SLC14A2: variants seen among roughly 807,000 people sequenced by gnomAD.
SLC14A2 encodes solute carrier family 14 member 2, also known as urea transporter 2.
SLC14A2 carries 91 observed loss-of-function variants against 104.6 expected under a neutral mutation model. The ratio of observed to expected loss-of-function variants is 0.87; its 90% CI spans 0.73 to 1.04. The LOEUF (loss-of-function observed/expected upper bound fraction) is 1.04. Among genes scored for constraint, SLC14A2 ranks in the 50% least tolerant of loss-of-function variants. The pLI, the probability that SLC14A2 is intolerant of heterozygous loss-of-function variation, is 0.00. For synonymous variants in SLC14A2, 476 were observed against 466.4 expected, an observed-to-expected ratio of 1.02 and a Z score of -0.27; for missense variants, 1,189 against 1,156.0, an observed-to-expected ratio of 1.03 and a Z score of -0.41.
chr18:45,572,969 G>A (rs1432767043), intron 2 of SLC14A2, among the ~76,000 whole-genome samples: 5 of 152,116 alleles, frequency 3.3e-5, no homozygotes, highest in Non-Finnish European at 7.4e-5. Context: ...CACCATGTTG[G>A]CAGTTAAAAA....
At chr18:45,657,684 C>T (rs1367230301) in intron 10 of SLC14A2, among the ~76,000 whole-genome samples, 1 of 152,168 alleles carries the variant, frequency 6.6e-6, no homozygotes. Flanking sequence ...CTTATCTACA[C>T]TCAGCTCTGC....
At chr18:45,671,192 C>T (rs1423336174) in intron 16 of SLC14A2, among the ~76,000 whole-genome samples, 1 of 152,056 alleles carries the variant, frequency 6.6e-6, no homozygotes, top group Non-Finnish European at 1.5e-5. Flanking sequence ...GTCACAGTTT[C>T]AGTTGAGAAG....
At chr18:45,294,218 AAT>A (rs150478048) in intron 1 of SLC14A2, among the ~76,000 whole-genome samples, 4 of 151,720 alleles carry the variant, frequency 2.6e-5, no homozygotes, top group Non-Finnish European at 4.4e-5. Context: ...CTTGTGTGGG[AAT>A]ATATATATAT....
At chr18:45,549,212 C>G (rs1425166623) in intron 2 of SLC14A2, among the ~76,000 whole-genome samples, 2 of 152,224 alleles carry the variant, frequency 1.3e-5, no homozygotes, top group East Asian at 3.8e-4. Context: ...AGGAATTTGG[C>G]TTTTGGTCCA....
chr18:45,599,863 A>C (rs1193104126), intron 2 of SLC14A2, among the ~76,000 whole-genome samples: 2 of 152,182 alleles, frequency 1.3e-5, no homozygotes, highest in East Asian at 3.9e-4. Flanking sequence ...GAGAGAGCTC[A>C]TGCAGGGAAA....
chr18:45,237,943 C>T (rs1254635576), intron 1 of SLC14A2, among the ~76,000 whole-genome samples: 6 of 152,162 alleles, frequency 3.9e-5, no homozygotes, highest in Non-Finnish European at 8.8e-5. Context: ...GCTCTGTTGG[C>T]CTCTTGATGA....
At chr18:45,274,798 C>T (rs1178513294) in intron 1 of SLC14A2, among the ~76,000 whole-genome samples, 4 of 152,186 alleles carry the variant, frequency 2.6e-5, no homozygotes, top group Non-Finnish European at 4.4e-5. Context: ...TTCATTTGTC[C>T]TCTTGAACAT....
At chr18:45,575,802 T>A (rs199892135) in intron 2 of SLC14A2, among the ~76,000 whole-genome samples, 3 of 152,072 alleles carry the variant, frequency 2.0e-5, no homozygotes, top group Admixed American at 1.3e-4. Context: ...TTTTTTTTTT[T>A]TCTTCCCACT....
At chr18:45,658,823 G>A (rs2045886149) in intron 10 of SLC14A2, among the ~76,000 whole-genome samples, 1 of 151,844 alleles carries the variant, frequency 6.6e-6, no homozygotes, top group African/African-American at 2.4e-5. Flanking sequence ...CAGTTGGCAT[G>A]AGTTAGAGGC....
chr18:45,464,052 A>C (rs541326735), intron 1 of SLC14A2, among the ~76,000 whole-genome samples: 1 of 152,344 alleles, frequency 6.6e-6, no homozygotes, highest in South Asian at 2.1e-4. Flanking sequence ...GCTAACGCCT[A>C]ACAACCAAAT....
chr18:45,265,281 G>A (rs2084580539), intron 1 of SLC14A2, among the ~76,000 whole-genome samples: 1 of 152,122 alleles, frequency 6.6e-6, no homozygotes, highest in East Asian at 1.9e-4. Flanking sequence ...GCTCCAAAGA[G>A]CCAAACCAAG....
At chr18:45,205,975 T>C in the SLC14A2 span, among the ~76,000 whole-genome samples, 1 of 152,206 alleles carries the variant, frequency 6.6e-6, no homozygotes, top group African/African-American at 2.4e-5. Flanking sequence ...CCTAGAGCTC[T>C]GCATTTAGCA....
chr18:45,658,831 G>A (rs1437265288), intron 10 of SLC14A2, among the ~76,000 whole-genome samples: 1 of 151,972 alleles, frequency 6.6e-6, no homozygotes, highest in Admixed American at 6.5e-5. Context: ...ATGAGTTAGA[G>A]GCATGAGTCC....
intron 10 of SLC14A2, chr18:45,647,956 G>A (rs962744270): frequency 6.6e-6 from 1 of 151,840 alleles, no homozygotes; most frequent in Non-Finnish European, 1.5e-5. Context: ...AAATTGATTT[G>A]TTAATTGTAT....
intron 1 of SLC14A2, among the ~76,000 whole-genome samples, chr18:45,414,761 T>A (rs201759899): frequency 0.042 from 1,272 of 30,636 alleles, 22 homozygotes; most frequent in African/African-American, 0.12. Flanking sequence ...AAAAAAAATA[T>A]ATATATATAT....
rs1254809099 is a variant in SLC14A2, at chr18:45,300,569, G to A, written c.-125+87378G>A. ...ATTACCCATTATGTGCAGGTCACTG[G>A]GATAGATGATGCAGGGGATGTGAAG... is the stretch of plus-strand genomic sequence containing the variant. On this transcript the variant is annotated intron_variant, in intron 1 of 20. Coordinates refer to the SLC14A2 transcript ENST00000586448. Among the ~76,000 whole-genome samples, 5 of 152,254 alleles carry A rather than the reference G, an allele frequency of 3.3e-5. No individual in the cohort carries two copies. The East Asian group carries it at 9.6e-4, about 29-fold the overall frequency.
At chr18:45,571,256 A>AAAT (rs1250313111) in intron 2 of SLC14A2, among the ~76,000 whole-genome samples, 1 of 152,250 alleles carries the variant, frequency 6.6e-6, no homozygotes, top group Non-Finnish European at 1.5e-5. Flanking sequence ...TTTATTTAAT[A>AAAT]AATTCTTTGT....
At chr18:45,396,533 TG>T (rs1310876222) in intron 1 of SLC14A2, among the ~76,000 whole-genome samples, 1 of 152,160 alleles carries the variant, frequency 6.6e-6, no homozygotes, top group Non-Finnish European at 1.5e-5. Flanking sequence ...TTTTTTATTT[TG>T]GGGGGTTTTC....
At chr18:45,169,558 C>A in the SLC14A2 span, among the ~76,000 whole-genome samples, 1 of 152,176 alleles carries the variant, frequency 6.6e-6, no homozygotes, top group East Asian at 1.9e-4. Flanking sequence ...TAGGTTTTTG[C>A]ATTTTGTGTA....
Sources: allele counts gnomAD v4.1 joint callset (sites outside exome capture counted in the v4.1 genomes callset), GRCh38; gene constraint gnomAD v4.1.1; transcripts MANE v1.5; gene names NCBI Gene and HGNC (gene_info 2026-07-23, HGNC 2026-07-21).